ARNT2: variants seen among roughly 807,000 people sequenced by gnomAD.
The protein encoded by ARNT2 is ARNT protein 2.
In ARNT2, 36 loss-of-function variants were observed where a neutral mutation model predicts 91.7. That is an observed-to-expected ratio of 0.39 (90% confidence interval 0.30 to 0.52). The LOEUF (loss-of-function observed/expected upper bound fraction) is 0.52, where lower values mean the gene tolerates loss of function less well. Ranked by LOEUF, ARNT2 falls within the 20% of genes least tolerant of loss-of-function variation. ARNT2 has a pLI of 0.72. For missense variants in ARNT2, 775 were observed against 939.3 expected (o/e 0.83, Z 2.29); for synonymous variants, 365 against 347.1 (o/e 1.05, Z -0.57).
At chr15:80,451,905 G>C (rs1896399839) in intron 2 of ARNT2, among the ~76,000 whole-genome samples, 1 of 152,210 alleles carries the variant, frequency 6.6e-6, no homozygotes, top group South Asian at 2.1e-4. Flanking sequence ...TCATGAAGTT[G>C]AATCAATTTG....
At chr15:80,440,254 C>T (rs1040385901) in intron 1 of ARNT2, among the ~76,000 whole-genome samples, 7 of 152,152 alleles carry the variant, frequency 4.6e-5, no homozygotes, top group African/African-American at 7.2e-5. Flanking sequence ...GTGGATGTCT[C>T]ATTGCAGTTA....
chr15:80,574,364 C>A, intron 13 of ARNT2, 144 bp downstream of exon 13: 1 of 744,330 alleles, frequency 1.3e-6, no homozygotes, highest in Non-Finnish European at 2.3e-6. Flanking sequence ...ACCTACAGGT[C>A]CCCTGGGGGT....
At chr15:80,414,040 A>G (rs1292928932) in intron 1 of ARNT2, among the ~76,000 whole-genome samples, 1 of 152,222 alleles carries the variant, frequency 6.6e-6, no homozygotes, top group African/African-American at 2.4e-5. Context: ...CAGGAAGCCA[A>G]AGTTAATTGG....
intron 3 of ARNT2, among the ~76,000 whole-genome samples, chr15:80,466,425 G>T (rs1342777053): frequency 6.6e-6 from 1 of 152,190 alleles, no homozygotes; most frequent in Non-Finnish European, 1.5e-5. Flanking sequence ...CAATTCTGTG[G>T]AGTCCTGGTC....
rs74773686 is a variant in ARNT2 at position 80,544,321 on chromosome 15, G to C, written c.878-6878G>C. Among the ~76,000 whole-genome samples, 628 of 152,184 alleles carry C rather than the reference G, an allele frequency of 4.1e-3. 6 individuals are homozygous for C. Among genetic ancestry groups the C allele is most frequent in the African/African-American group, 0.014 (601 of 41,512 alleles). On this transcript the variant is annotated intron_variant, in intron 8 of 18. Transcript: ENST00000303329. ...AGACATTGTGAAATTTAAGTTGCTG[G>C]CTTGAAAACTCTCTTAAGGCTGTGA...
chr15:80,470,582 A>T, intron 4 of ARNT2, 151 bp downstream of exon 4: 1 of 914,780 alleles, frequency 1.1e-6, no homozygotes, highest in Non-Finnish European at 1.6e-6. Flanking sequence ...AGCTGTCTTC[A>T]AAAGAGGGTT....
intron 3 of ARNT2, among the ~76,000 whole-genome samples, chr15:80,465,163 G>T (rs141982260): frequency 0.012 from 1,778 of 152,326 alleles, 17 homozygotes; most frequent in South Asian, 0.025. Flanking sequence ...TGCACAGTTT[G>T]GTGAATTGTC....
intron 1 of ARNT2, among the ~76,000 whole-genome samples, chr15:80,414,767 C>CT (rs373485429): frequency 1.1e-3 from 121 of 105,296 alleles, no homozygotes; most frequent in Middle Eastern, 0.01. Context: ...TTCTCTCTCT[C>CT]TTTTTTTTTT....
At chr15:80,408,727 C>T (rs1437031549) in intron 1 of ARNT2, among the ~76,000 whole-genome samples, 1 of 151,952 alleles carries the variant, frequency 6.6e-6, no homozygotes, top group Admixed American at 6.6e-5. Context: ...TCTACGAGCC[C>T]ATCAGTTGCA....
chr15:80,409,751 A>G (rs753784911), intron 1 of ARNT2, among the ~76,000 whole-genome samples: 4 of 152,216 alleles, frequency 2.6e-5, no homozygotes, highest in Non-Finnish European at 5.9e-5. Flanking sequence ...GACCTAAATT[A>G]GAGGATTAGC....
At chr15:80,484,743 G>T (rs1294756530) in intron 5 of ARNT2, among the ~76,000 whole-genome samples, 1 of 152,214 alleles carries the variant, frequency 6.6e-6, no homozygotes, top group African/African-American at 2.4e-5. Flanking sequence ...GCTGACTCTG[G>T]CTGGAAGGCT....
intron 11 of ARNT2, among the ~76,000 whole-genome samples, chr15:80,561,465 C>A (rs1271797764): frequency 1.3e-5 from 2 of 152,188 alleles, no homozygotes; most frequent in Non-Finnish European, 2.9e-5. Context: ...CGAATGCTAC[C>A]TTCTGCACAT....
At chr15:80,492,345 T>A (rs1392982800) in intron 5 of ARNT2, among the ~76,000 whole-genome samples, 1 of 152,194 alleles carries the variant, frequency 6.6e-6, no homozygotes, top group Non-Finnish European at 1.5e-5. Flanking sequence ...GCTCAGTGTC[T>A]TGATTACTAC....
intron 2 of ARNT2, 42 bp downstream of exon 2, chr15:80,451,036 T>C: frequency 6.4e-7 from 1 of 1,562,142 alleles, no homozygotes; most frequent in Non-Finnish European, 8.8e-7. Context: ...TTAATAAATG[T>C]TGAGCAATGC....
At chr15:80,483,954 G>A (rs2141405407) in intron 5 of ARNT2, among the ~76,000 whole-genome samples, 1 of 152,214 alleles carries the variant, frequency 6.6e-6, no homozygotes, top group Admixed American at 6.5e-5. Flanking sequence ...ATCCCACAGG[G>A]GTCCTGTGAA....
At chr15:80,511,238 C>T (rs867417200) in intron 6 of ARNT2, among the ~76,000 whole-genome samples, 22 of 152,164 alleles carry the variant, frequency 1.4e-4, no homozygotes, top group Middle Eastern at 3.4e-3. Context: ...GATGTGGATG[C>T]ACCTGGAAGT....
At chr15:80,521,618 TATAA>T (rs137983274) in intron 8 of ARNT2, among the ~76,000 whole-genome samples, 2,674 of 152,216 alleles carry the variant, frequency 0.018, 83 homozygotes, top group African/African-American at 0.061. Context: ...TTGCAGTCCA[TATAA>T]ATAAATACTT....
intron 8 of ARNT2, among the ~76,000 whole-genome samples, chr15:80,533,158 G>T (rs1897765396): frequency 6.6e-6 from 1 of 152,240 alleles, no homozygotes; most frequent in Non-Finnish European, 1.5e-5. Flanking sequence ...AGAGCACAGA[G>T]CCCACAAGAG....
chr15:80,421,371 A>G (rs1895858168), intron 1 of ARNT2, among the ~76,000 whole-genome samples: 1 of 132,978 alleles, frequency 7.5e-6, no homozygotes, highest in Non-Finnish European at 1.6e-5. Flanking sequence ...TCCAAAAACC[A>G]GTTGTACCCC....
Sources: gnomAD v4.1 joint callset for allele counts (sites outside exome capture counted in the v4.1 genomes callset) on GRCh38, gnomAD v4.1.1 for gene constraint, MANE v1.5 for transcripts, NCBI Gene and HGNC (gene_info 2026-07-23, HGNC 2026-07-21) for gene names.